The following SLC35F4 variants were observed in gnomAD, a reference collection of about 807,000 sequenced individuals.
The protein encoded by SLC35F4 is chromosome 14 open reading frame 36.
SLC35F4 carries 24 observed loss-of-function variants against 44.2 expected under a neutral mutation model. That is an observed-to-expected ratio of 0.54 (90% CI 0.39 to 0.76). SLC35F4 has a LOEUF of 0.76. Ranked by LOEUF, SLC35F4 falls within the 30% of genes least tolerant of loss-of-function variation. The pLI, the probability that SLC35F4 is intolerant of heterozygous loss-of-function variation, is 0.00. For synonymous variants in SLC35F4, 238 were observed against 223.6 expected, an observed-to-expected ratio of 1.06 and a Z score of -0.57; for missense variants, 562 against 586.1, an observed-to-expected ratio of 0.96 and a Z score of 0.42.
chr14:57,932,755 A>C (rs550914388), intron 1 of SLC35F4, among the ~76,000 whole-genome samples: 10 of 152,276 alleles, frequency 6.6e-5, no homozygotes, highest in East Asian at 3.9e-4. Flanking sequence ...AGGCTGAGAC[A>C]GGAAAATTGC....
At chr14:57,699,193 A>G (rs1299470028) in intron 1 of SLC35F4, among the ~76,000 whole-genome samples, 1 of 152,176 alleles carries the variant, frequency 6.6e-6, no homozygotes, top group Non-Finnish European at 1.5e-5. Context: ...GTTGTTTCCA[A>G]TCATGACTAT....
chr14:57,737,808 C>A (rs965022747), intron 1 of SLC35F4, among the ~76,000 whole-genome samples: 1 of 152,200 alleles, frequency 6.6e-6, no homozygotes, highest in African/African-American at 2.4e-5. Context: ...AGAAGCTTGG[C>A]ACTCACTGCC....
intron 1 of SLC35F4, among the ~76,000 whole-genome samples, chr14:57,938,777 G>A (rs999217492): frequency 6.6e-6 from 1 of 152,154 alleles, no homozygotes; most frequent in Non-Finnish European, 1.5e-5. Context: ...CATGCTTTTA[G>A]CCGCAAGACC....
intron 1 of SLC35F4, among the ~76,000 whole-genome samples, chr14:57,967,322 A>G (rs956541303): frequency 6.6e-6 from 1 of 152,212 alleles, no homozygotes; most frequent in Non-Finnish European, 1.5e-5. Context: ...CCATCTTCCC[A>G]ATTAATCCAG....
At chr14:57,830,402 T>C (rs1052299812) in intron 1 of SLC35F4, among the ~76,000 whole-genome samples, 5 of 152,204 alleles carry the variant, frequency 3.3e-5, no homozygotes, top group African/African-American at 1.2e-4. Context: ...TATTTGGATC[T>C]CCCTAGCTTC....
At chr14:57,919,564 C>T (rs867369778) in intron 1 of SLC35F4, among the ~76,000 whole-genome samples, 4 of 152,240 alleles carry the variant, frequency 2.6e-5, no homozygotes, top group East Asian at 3.9e-4. Flanking sequence ...CTTCCACAGG[C>T]GAATCTGAGG....
intron 1 of SLC35F4, among the ~76,000 whole-genome samples, chr14:57,626,326 A>G (rs1019379907): frequency 6.8e-6 from 1 of 147,760 alleles, no homozygotes; most frequent in African/African-American, 2.5e-5. Context: ...ATATTTTAAA[A>G]AGGAAACATA....
At chr14:57,852,761 A>G (rs1354608600) in intron 1 of SLC35F4, among the ~76,000 whole-genome samples, 1 of 152,210 alleles carries the variant, frequency 6.6e-6, no homozygotes, top group African/African-American at 2.4e-5. Context: ...TAGAATGCCT[A>G]TAACTGAACA....
rs2070435611 is a variant in SLC35F4, at chr14:57,595,461, G to T, written c.104-1337C>A. Among the ~76,000 whole-genome samples, 2 of 152,066 alleles carry T rather than the reference G, an allele frequency of 1.3e-5. 1 individual carries two copies. The highest frequency in any genetic ancestry group is 1.3e-4 in the Admixed American group (2 of 15,268). On this transcript the variant is annotated intron_variant, in intron 1 of 7. Coordinates refer to ENST00000556826, the MANE Select transcript of SLC35F4 (RefSeq NM_001306087.2). ...TCCATGCTCTCTTCTTCGGTAGCCAGTCACTAAGTCCAGCCCACACTCTGG... is the reference window on the plus strand; with the variant it reads ...TCCATGCTCTCTTCTTCGGTAGCCATTCACTAAGTCCAGCCCACACTCTGG...
chr14:57,591,160 C>T (rs148094270), intron 2 of SLC35F4, among the ~76,000 whole-genome samples: 3,828 of 152,316 alleles, frequency 0.025, 74 homozygotes, highest in South Asian at 0.048. Flanking sequence ...CGCTAGTTAG[C>T]TACTTGGATC....
intron 1 of SLC35F4, among the ~76,000 whole-genome samples, chr14:57,639,198 A>G (rs1338378384): frequency 6.6e-6 from 1 of 152,102 alleles, no homozygotes; most frequent in Admixed American, 6.6e-5. Flanking sequence ...AGTCAATTAC[A>G]CAGAGTCTGA....
chr14:57,967,295 G>A (rs969524575), intron 1 of SLC35F4, among the ~76,000 whole-genome samples: 2 of 152,022 alleles, frequency 1.3e-5, no homozygotes, highest in African/African-American at 4.8e-5. Context: ...TACTGTTAAG[G>A]CTGACAGCCC....
intron 1 of SLC35F4, among the ~76,000 whole-genome samples, chr14:57,665,291 T>C (rs1170423444): frequency 1.3e-5 from 2 of 152,140 alleles, no homozygotes; most frequent in Non-Finnish European, 1.5e-5. Flanking sequence ...CTGGGTGACA[T>C]GCACCACAAC....
chr14:57,720,501 A>G (rs1199745616), intron 1 of SLC35F4, among the ~76,000 whole-genome samples: 1 of 152,042 alleles, frequency 6.6e-6, no homozygotes, highest in Non-Finnish European at 1.5e-5. Context: ...TATGGCATTG[A>G]TCTCATTACT....
intron 1 of SLC35F4, among the ~76,000 whole-genome samples, chr14:57,822,782 C>G (rs923665994): frequency 6.6e-6 from 1 of 152,150 alleles, no homozygotes; most frequent in Non-Finnish European, 1.5e-5. Flanking sequence ...ATTGGTTTTC[C>G]TCCTACTTTG....
At chr14:57,633,510 C>T (rs1317240698) in intron 1 of SLC35F4, among the ~76,000 whole-genome samples, 1 of 152,080 alleles carries the variant, frequency 6.6e-6, no homozygotes, top group African/African-American at 2.4e-5. Flanking sequence ...TTTTAAAAAA[C>T]TTTTTATTTT....
intron 1 of SLC35F4, among the ~76,000 whole-genome samples, chr14:57,758,339 CCATTA>C (rs924891975): frequency 1.3e-5 from 2 of 151,878 alleles, no homozygotes; most frequent in Admixed American, 6.6e-5. Context: ...GAGTAATACT[CCATTA>C]CTTTATTTTT....
At chr14:57,829,527 A>G (rs1012539428) in intron 1 of SLC35F4, among the ~76,000 whole-genome samples, 1 of 152,212 alleles carries the variant, frequency 6.6e-6, no homozygotes, top group Admixed American at 6.5e-5. Flanking sequence ...TGTGACCAAG[A>G]GGGCAGGCCA....
chr14:57,936,812 T>G (rs1889805056), intron 1 of SLC35F4, among the ~76,000 whole-genome samples: 1 of 152,012 alleles, frequency 6.6e-6, no homozygotes, highest in South Asian at 2.1e-4. Context: ...ACAAAATGGG[T>G]AGGATTTGGG....
Sources: gnomAD v4.1 joint callset for allele counts (sites outside exome capture counted in the v4.1 genomes callset) on GRCh38, gnomAD v4.1.1 for gene constraint, MANE v1.5 for transcripts, NCBI Gene and HGNC (gene_info 2026-07-23, HGNC 2026-07-21) for gene names.